Variants in RPS6KC1 observed in about 807,000 individuals in gnomAD.
RPS6KC1 encodes the protein ribosomal protein S6 kinase C1, also known as inactive ribosomal protein S6 kinase delta-1.
RPS6KC1 carries 54 observed loss-of-function variants against 103.8 expected under a neutral mutation model. That is an observed-to-expected ratio of 0.52 (90% CI 0.42 to 0.65). RPS6KC1 has a LOEUF of 0.65. Ranked by LOEUF, RPS6KC1 falls within the 30% of genes least tolerant of loss-of-function variation. The probability of loss-of-function intolerance (pLI) is 0.00; values close to 1 mark genes in which losing one functional copy is unlikely to be tolerated. For missense variants in RPS6KC1, 1,151 were observed against 1,253.8 expected, an observed-to-expected ratio of 0.92 and a Z score of 1.24; for synonymous variants, 439 against 438.7, an observed-to-expected ratio of 1.00 and a Z score of -0.01.
chr1:213,198,744 TG>T (rs1159966326), intron 8 of RPS6KC1, among the ~76,000 whole-genome samples: 2 of 152,242 alleles, frequency 1.3e-5, no homozygotes. Flanking sequence ...GTTTTACTGT[TG>T]AATTTTACCA....
At chr1:213,365,688 A>AT in the RPS6KC1 span, among the ~76,000 whole-genome samples, 6 of 151,808 alleles carry the variant, frequency 4.0e-5, no homozygotes, top group African/African-American at 7.2e-5. Flanking sequence ...GCTTTTTCTC[A>AT]TTTTTTTTGT....
At chr1:213,822,501 A>T in the RPS6KC1 span, 2 of 152,206 alleles carry the variant, frequency 1.3e-5, no homozygotes, top group Admixed American at 6.5e-5. Context: ...CCAAATATTT[A>T]TCTGTGTCCC....
chr1:213,183,330 A>G (rs2092374244), intron 8 of RPS6KC1, among the ~76,000 whole-genome samples: 1 of 152,154 alleles, frequency 6.6e-6, no homozygotes, highest in African/African-American at 2.4e-5. Context: ...TGACTTTTAT[A>G]GAACACTCTA....
In RPS6KC1 at chr1:213,240,796, A is replaced by G; in HGVS notation, c.1320A>G (p.Lys440=). The G allele has an allele frequency of 6.2e-7, 1 of 1,613,964 alleles. No individual in the cohort carries two copies. Among genetic ancestry groups the G allele is most frequent in the Non-Finnish European group, 8.5e-7 (1 of 1,179,892 alleles). ...IKEVKKPTLA[K]VHLQQPTSSP... The stretch of plus-strand genomic sequence containing the variant: ...AAGTGAAAAAACCTACACTTGCAAA[A>G]GTTCACCTGCAGCAGCCAACTTCTA... Residue 440 remains lysine (K), a synonymous_variant, in exon 11 of 15, where the codon AAA becomes AAG. Coordinates refer to ENST00000366960, the MANE Select transcript of RPS6KC1 (RefSeq NM_012424.6).
intron 14 of RPS6KC1, among the ~76,000 whole-genome samples, chr1:213,266,335 G>A (rs1254039777): frequency 6.6e-6 from 1 of 152,044 alleles, no homozygotes; most frequent in Non-Finnish European, 1.5e-5. Flanking sequence ...TAGAAGTTTT[G>A]GTTAACATCC....
the RPS6KC1 span, among the ~76,000 whole-genome samples, chr1:213,453,876 A>G: frequency 1.1e-4 from 17 of 152,324 alleles, no homozygotes; most frequent in African/African-American, 4.1e-4. Flanking sequence ...CCGCTTATAC[A>G]TGGATATTTT....
At chr1:213,213,707 T>C (rs1406096546) in intron 8 of RPS6KC1, among the ~76,000 whole-genome samples, 4 of 152,244 alleles carry the variant, frequency 2.6e-5, no homozygotes, top group Non-Finnish European at 5.9e-5. Flanking sequence ...ATGACGCTTT[T>C]GAATTTTGAG....
At chr1:213,748,168 A>G in the RPS6KC1 span, among the ~76,000 whole-genome samples, 4 of 152,132 alleles carry the variant, frequency 2.6e-5, no homozygotes, top group African/African-American at 9.7e-5. Context: ...CCCAAAATGG[A>G]AGAAGTCAGC....
At chr1:213,604,896 G>A in the RPS6KC1 span, among the ~76,000 whole-genome samples, 1 of 152,208 alleles carries the variant, frequency 6.6e-6, no homozygotes, top group African/African-American at 2.4e-5. Context: ...GGGGCAGTAG[G>A]AGATGGGAAG....
chr1:213,428,480 C>CCTTCCTTCCTTACTTCCTT, the RPS6KC1 span, among the ~76,000 whole-genome samples: 1 of 28,474 alleles, frequency 3.5e-5, no homozygotes, highest in African/African-American at 1.4e-4. Flanking sequence ...CTCCCTCCCT[C>CCTTCCTTCCTTACTTCCTT]CCTTCCTTCC....
At chr1:213,151,126 C>A (rs1391464183) in intron 6 of RPS6KC1, among the ~76,000 whole-genome samples, 3 of 143,920 alleles carry the variant, frequency 2.1e-5, no homozygotes, top group Non-Finnish European at 3.1e-5. Context: ...GGGGGCTGAC[C>A]CCCCCACCTC....
the RPS6KC1 span, among the ~76,000 whole-genome samples, chr1:213,556,262 G>T: frequency 6.6e-6 from 1 of 151,982 alleles, no homozygotes; most frequent in Non-Finnish European, 1.5e-5. Flanking sequence ...AGGCAGACTG[G>T]GATCAAAAAA....
the RPS6KC1 span, among the ~76,000 whole-genome samples, chr1:213,807,333 C>A: frequency 1.6e-4 from 25 of 152,200 alleles, no homozygotes; most frequent in Admixed American, 1.6e-3. Flanking sequence ...GCCTGCCTTG[C>A]TAGATTGGGG....
At chr1:213,169,797 T>G (rs940754930) in intron 7 of RPS6KC1, among the ~76,000 whole-genome samples, 8 of 150,368 alleles carry the variant, frequency 5.3e-5, no homozygotes, top group Non-Finnish European at 8.9e-5. Flanking sequence ...TTTTTTTTTT[T>G]TTGAGATGGA....
At position 213,247,838 on chromosome 1, in the gene RPS6KC1, T is replaced by A. The variant is rs77708470; in HGVS notation, c.2911+5180T>A. ...CCCCCAAGGGTAAATATTGATTTCT[T>A]ATCTAATGTTAGTAGAGTTAAAAAA... On this transcript the variant is annotated intron_variant, in intron 12 of 14. Coordinates refer to ENST00000366960, the MANE Select transcript of RPS6KC1 (RefSeq NM_012424.6). Among the ~76,000 whole-genome samples the A allele has an allele frequency of 9.2e-3, 1,407 of 152,326 alleles. 44 individuals are homozygous for A. The highest frequency in any genetic ancestry group is 0.071 in the East Asian group (367 of 5,186).
chr1:213,394,034 A>G, the RPS6KC1 span, among the ~76,000 whole-genome samples: 1 of 152,088 alleles, frequency 6.6e-6, no homozygotes, highest in Non-Finnish European at 1.5e-5. Context: ...AGGGACATGG[A>G]GCCGTGGACA....
intron 10 of RPS6KC1, among the ~76,000 whole-genome samples, chr1:213,235,413 A>T (rs1238322999): frequency 6.6e-6 from 1 of 152,166 alleles, no homozygotes; most frequent in Non-Finnish European, 1.5e-5. Context: ...GATGGAGGTA[A>T]ATATGCTATG....
At chr1:213,590,287 C>T in the RPS6KC1 span, among the ~76,000 whole-genome samples, 1 of 152,072 alleles carries the variant, frequency 6.6e-6, no homozygotes, top group African/African-American at 2.4e-5. Context: ...GCCACATTTA[C>T]TCTTGAGGAG....
the RPS6KC1 span, among the ~76,000 whole-genome samples, chr1:213,354,381 C>G: frequency 6.6e-6 from 1 of 152,146 alleles, no homozygotes; most frequent in Non-Finnish European, 1.5e-5. Context: ...TGTATGAACT[C>G]ATTGAAACTT....
Sources: allele counts gnomAD v4.1 joint callset (sites outside exome capture counted in the v4.1 genomes callset), GRCh38; gene constraint gnomAD v4.1.1; transcripts MANE v1.5; gene names NCBI Gene and HGNC (gene_info 2026-07-23, HGNC 2026-07-21).